Variants in FANCA observed in about 807,000 individuals in gnomAD.
FANCA encodes the protein FA complementation group A, also known as Fanconi anemia group A protein.
A neutral mutation model predicts 194.3 loss-of-function variants in FANCA; 236 were observed. That is an observed-to-expected ratio of 1.21 (90% CI 1.09 to 1.35). The LOEUF (loss-of-function observed/expected upper bound fraction) is 1.35. FANCA is among the 40% of genes most tolerant of loss of function. FANCA has a pLI of 0.00. For missense variants in FANCA, 2,628 were observed against 1,813.9 expected (o/e 1.45, Z -8.15); for synonymous variants, 1,014 against 715.8 (o/e 1.42, Z -6.65).
intron 29 of FANCA, among the ~76,000 whole-genome samples, chr16:89,760,432 C>T (rs1272349922): frequency 6.6e-6 from 1 of 152,192 alleles, no homozygotes. Context: ...CTGGAAGGCC[C>T]CTGATGGCCG....
rs1354884515 is a variant in FANCA at position 89,805,306 on chromosome 16, G to A, written c.683C>T (p.Ala228Val). ...AGAAAGCATGGCCCTGGCGACGTCA[G>A]CATGCTGGCAGGATGCTTCCATCTG... is the stretch of plus-strand genomic sequence containing the variant. Reference protein sequence around the residue: ...CEQMEASCQHADVARAMLSDF... With the variant: ...CEQMEASCQHVDVARAMLSDF... The change falls in exon 7 of 43, where the codon GCT becomes GTT. Residue 228 changes from alanine (A) to valine (V), a missense_variant. Coordinates refer to ENST00000389301, the MANE Select transcript of FANCA (RefSeq NM_000135.4). The A allele has an allele frequency of 1.9e-6, 3 of 1,613,774 alleles. No individual in the cohort carries two copies. The highest frequency in any genetic ancestry group is 3.3e-5 in the Admixed American group (2 of 59,990).
At chr16:89,799,562 A>G (rs758371224) in intron 9 of FANCA, 43 bp downstream of exon 9, 1 of 1,587,108 alleles carries the variant, frequency 6.3e-7, no homozygotes, top group Non-Finnish European at 8.7e-7. Context: ...CTAATAAGCA[A>G]ACTAAGTCAT....
chr16:89,775,587 G>T (rs1314805568), intron 21 of FANCA, among the ~76,000 whole-genome samples, 155 bp downstream of exon 21: 2 of 152,246 alleles, frequency 1.3e-5, no homozygotes, highest in African/African-American at 4.8e-5. Flanking sequence ...GGCACTGGGC[G>T]TCAGCATGGT....
intron 30 of FANCA, among the ~76,000 whole-genome samples, chr16:89,755,385 T>C (rs2038734685): frequency 6.6e-6 from 1 of 151,676 alleles, no homozygotes; most frequent in Admixed American, 6.6e-5. Context: ...GGCTAGTTTT[T>C]GTATTTTTTT....
chr16:89,746,965 T>G, intron 33 of FANCA, 75 bp from the exon 34 acceptor site: 1 of 1,364,186 alleles, frequency 7.3e-7, no homozygotes, highest in South Asian at 1.2e-5. Context: ...GTGGCTGCTG[T>G]GGATTCAGTT....
intron 10 of FANCA, among the ~76,000 whole-genome samples, chr16:89,797,178 A>T (rs117653913): frequency 0.12 from 18,624 of 151,866 alleles, 1,479 homozygotes; most frequent in Middle Eastern, 0.3. Context: ...AAAAATAAAA[A>T]AAATTAGCCA....
Position 89,758,564 on chromosome 16 carries a change from G to A in FANCA, c.2981+13C>T. On this transcript the variant is annotated intron_variant, in intron 30 of 42. Coordinates refer to ENST00000389301, the MANE Select transcript of FANCA (RefSeq NM_000135.4). ...TCCCTCCAGAGAACCCTAATACAGT[G>A]TGTGCTGCTAACCTTTGGTGGAAAT... 1 of 1,612,968 alleles carries A rather than the reference G, an allele frequency of 6.2e-7. No homozygotes were observed. The highest frequency in any genetic ancestry group is 8.5e-7 in the Non-Finnish European group (1 of 1,179,192).
chr16:89,805,253 A>G (rs776575709), intron 7 of FANCA, 27 bp downstream of exon 7: 3 of 1,574,012 alleles, frequency 1.9e-6, no homozygotes, highest in African/African-American at 2.7e-5. Flanking sequence ...GTTTTACCCA[A>G]GAACCCGCAT....
At chr16:89,759,620 G>A (rs1417330314) in intron 29 of FANCA, among the ~76,000 whole-genome samples, 1 of 152,002 alleles carries the variant, frequency 6.6e-6, no homozygotes, top group Non-Finnish European at 1.5e-5. Context: ...AATTAGCTGG[G>A]CATAGTAGTG....
chr16:89,770,447 G>T, intron 24 of FANCA, 117 bp downstream of exon 24: 1 of 1,093,038 alleles, frequency 9.1e-7, no homozygotes, highest in Non-Finnish European at 1.4e-6. Flanking sequence ...ATGAAACTCA[G>T]CATCGCCGCA....
chr16:89,746,348 G>T (rs2038388361), intron 35 of FANCA, among the ~76,000 whole-genome samples: 1 of 152,188 alleles, frequency 6.6e-6, no homozygotes, highest in Non-Finnish European at 1.5e-5. Flanking sequence ...CAGGGGAGAA[G>T]TCCTGCGGGT....
intron 28 of FANCA, among the ~76,000 whole-genome samples, chr16:89,763,343 A>C (rs2039016719): frequency 6.6e-6 from 1 of 152,146 alleles, no homozygotes. Context: ...TGGCAGGCCA[A>C]AGCAGAAGGA....
intron 39 of FANCA, chr16:89,739,782 C>T (rs2151713903): frequency 1.0e-5 from 15 of 1,468,514 alleles, no homozygotes; most frequent in Non-Finnish European, 1.3e-5. Context: ...AGGCAGTCCC[C>T]ATGATAGGCC....
rs371849654 is a variant in FANCA at position 89,746,724 on chromosome 16, G to T, written c.3409-36C>A. On this transcript the variant is annotated intron_variant, in intron 34 of 42. Transcript: ENST00000389301. ...GAACGCAGCAGGAGGTCAGCGGTTT[G>T]TGAGGACCCACAACTAGTAGAGTGA... is the stretch of plus-strand genomic sequence containing the variant. The T allele has an allele frequency of 5.0e-6, 8 of 1,607,736 alleles. No individual in the cohort carries two copies. The African/African-American group carries it at 8.0e-5, about 16-fold the overall frequency.
chr16:89,740,797 G>C lies in FANCA; in HGVS notation c.3828+7C>G, dbSNP rs1443117288. ...GAGGACACCTTGGCTGGTAAGGTCT[G>C]ACTTACATTTGAGGTCAGATGTGAC... On this transcript the variant is annotated splice_region_variant and intron_variant, in intron 38 of 42. Coordinates refer to ENST00000389301, the MANE Select transcript of FANCA (RefSeq NM_000135.4). 2 of 1,613,020 alleles carry C rather than the reference G, an allele frequency of 1.2e-6. No homozygotes were observed. The highest frequency in any genetic ancestry group is 2.2e-5 in the East Asian group (1 of 44,850).
intron 30 of FANCA, among the ~76,000 whole-genome samples, chr16:89,754,379 TTTTTG>T (rs940328789): frequency 1.4e-4 from 22 of 152,336 alleles, no homozygotes; most frequent in Admixed American, 1.4e-3. Flanking sequence ...TTCTTTTGTT[TTTTTG>T]TTTTGAGACT....
intron 36 of FANCA, among the ~76,000 whole-genome samples, chr16:89,743,213 C>A (rs955890316): frequency 6.6e-6 from 1 of 152,176 alleles, no homozygotes; most frequent in Non-Finnish European, 1.5e-5. Context: ...GCCCTGTGCT[C>A]TTGGGCCCCA....
intron 22 of FANCA, among the ~76,000 whole-genome samples, chr16:89,772,331 C>A (rs769513107): frequency 6.6e-6 from 1 of 152,244 alleles, no homozygotes; most frequent in Non-Finnish European, 1.5e-5. Flanking sequence ...CATTGAATCA[C>A]CGGAAGGCTG....
rs769672682 is a variant in FANCA, at chr16:89,739,275, AAGT to A, written c.4022_4024del (p.Tyr1341del). 6.2e-7 allele frequency: 1 copy of A among 1,614,128 alleles called. No homozygotes were observed. On this transcript the variant is annotated inframe_deletion, in exon 41 of 43. Transcript: ENST00000389301. ...TTCCCTGATGGCCGCGTCTTCATGGAAGTAGGAGAGAAGACTAGAGGTAAAGAC... is the reference window on the plus strand; with the variant it reads ...TTCCCTGATGGCCGCGTCTTCATGGAAGGAGAGAAGACTAGAGGTAAAGAC...
Sources: gnomAD v4.1 joint callset for allele counts (sites outside exome capture counted in the v4.1 genomes callset) on GRCh38, gnomAD v4.1.1 for gene constraint, MANE v1.5 for transcripts, NCBI Gene and HGNC (gene_info 2026-07-23, HGNC 2026-07-21) for gene names.